Variants in WWTR1 observed in about 807,000 individuals in gnomAD.
The protein encoded by WWTR1 is WW domain containing transcription regulator 1.
WWTR1 carries 13 observed loss-of-function variants against 40.1 expected under a neutral mutation model. The ratio of observed to expected loss-of-function variants is 0.32; its 90% CI spans 0.21 to 0.52. The LOEUF (loss-of-function observed/expected upper bound fraction) is 0.52, where lower values mean the gene tolerates loss of function less well. Ranked by LOEUF, WWTR1 falls within the 20% of genes least tolerant of loss-of-function variation. The probability of loss-of-function intolerance (pLI) is 0.97; values close to 1 mark genes in which losing one functional copy is unlikely to be tolerated. For synonymous variants in WWTR1, 230 were observed against 210.1 expected (o/e 1.09, Z -0.82); for missense variants, 436 against 523.1 (o/e 0.83, Z 1.63).
At chr3:149,667,791 G>A (rs1302870072) in intron 2 of WWTR1, among the ~76,000 whole-genome samples, 1 of 152,088 alleles carries the variant, frequency 6.6e-6, no homozygotes, top group East Asian at 1.9e-4. Context: ...CCCATTTTTT[G>A]TGAATGATTT....
chr3:149,624,992 A>T (rs1187108597), intron 2 of WWTR1, among the ~76,000 whole-genome samples: 1 of 151,652 alleles, frequency 6.6e-6, no homozygotes, highest in Non-Finnish European at 1.5e-5. Flanking sequence ...CAGCCTCCCA[A>T]AGCGCTGGGA....
chr3:149,521,291 G>A (rs1161709416), intron 6 of WWTR1, among the ~76,000 whole-genome samples: 1 of 152,138 alleles, frequency 6.6e-6, no homozygotes, highest in Non-Finnish European at 1.5e-5. Flanking sequence ...GAGTAGAGAG[G>A]CCTTGTCTGT....
intron 3 of WWTR1, among the ~76,000 whole-genome samples, chr3:149,546,618 T>G (rs1016815778): frequency 6.6e-6 from 1 of 152,230 alleles, no homozygotes; most frequent in Non-Finnish European, 1.5e-5. Flanking sequence ...CTTTTCCTTT[T>G]CTGTACTATT....
At position 149,682,217 on chromosome 3, in the gene WWTR1, G is replaced by A. The variant is rs184671153; in HGVS notation, c.-107-12326C>T. Among the ~76,000 whole-genome samples, 206 of 152,246 alleles carry A rather than the reference G, an allele frequency of 1.4e-3. 2 individuals carry two copies. The highest frequency in any genetic ancestry group is 4.5e-3 in the African/African-American group (187 of 41,536). On this transcript the variant is annotated intron_variant, in intron 1 of 7. Transcript: ENST00000465804. ...GTTAAACAAAGACCAACCATCATTG[G>A]TATCTGCAGACTTCAGTCTGGCTTT...
At chr3:149,664,554 A>T (rs1026334777) in intron 2 of WWTR1, among the ~76,000 whole-genome samples, 3 of 151,634 alleles carry the variant, frequency 2.0e-5, no homozygotes, top group Non-Finnish European at 2.9e-5. Flanking sequence ...GATAAGGAAG[A>T]TAATTTTGAT....
chr3:149,715,875 G>A (rs1715596274), intron 5 of WWTR1, among the ~76,000 whole-genome samples: 1 of 152,086 alleles, frequency 6.6e-6, no homozygotes, highest in South Asian at 2.1e-4. Flanking sequence ...ATCTCAGAGG[G>A]GACTACAACA....
At chr3:149,610,856 T>C (rs761210819) in intron 2 of WWTR1, among the ~76,000 whole-genome samples, 6 of 152,154 alleles carry the variant, frequency 3.9e-5, no homozygotes, top group Non-Finnish European at 5.9e-5. Flanking sequence ...ATAAGAAGCC[T>C]TACTGTCCAG....
intron 3 of WWTR1, among the ~76,000 whole-genome samples, chr3:149,571,565 T>G (rs1380292615): frequency 2.0e-5 from 3 of 152,314 alleles, no homozygotes; most frequent in East Asian, 3.9e-4. Context: ...TTTTGGAAAC[T>G]GTACATCTGC....
chr3:149,564,298 G>A (rs977845110), intron 3 of WWTR1, among the ~76,000 whole-genome samples: 6 of 152,142 alleles, frequency 3.9e-5, no homozygotes, highest in African/African-American at 1.4e-4. Context: ...TCTGGACCAC[G>A]CTTGGATAAA....
At chr3:149,571,634 G>C (rs1737636226) in intron 3 of WWTR1, among the ~76,000 whole-genome samples, 1 of 152,272 alleles carries the variant, frequency 6.6e-6, no homozygotes, top group East Asian at 1.9e-4. Context: ...AGCTGACTAG[G>C]GTCTACTTGA....
intron 4 of WWTR1, among the ~76,000 whole-genome samples, chr3:149,533,922 G>A (rs1735704769): frequency 7.7e-6 from 1 of 130,312 alleles, no homozygotes; most frequent in Non-Finnish European, 1.8e-5. Flanking sequence ...ATTGCATATT[G>A]CTTACTGTGT....
chr3:149,655,975 G>T (rs374205323), intron 2 of WWTR1, among the ~76,000 whole-genome samples: 2 of 152,176 alleles, frequency 1.3e-5, no homozygotes, highest in Non-Finnish European at 2.9e-5. Context: ...AAGTGGTTAG[G>T]CTGGCACAAC....
At chr3:149,594,352 T>C (rs1480551515) in intron 2 of WWTR1, among the ~76,000 whole-genome samples, 1 of 152,116 alleles carries the variant, frequency 6.6e-6, no homozygotes, top group Admixed American at 6.6e-5. Context: ...TTTTTTTAAA[T>C]GGTGTACAAT....
At chr3:149,645,384 C>T (rs998029375) in intron 2 of WWTR1, among the ~76,000 whole-genome samples, 12 of 152,064 alleles carry the variant, frequency 7.9e-5, no homozygotes, top group African/African-American at 2.9e-4. Context: ...TGGCCCCAGG[C>T]TGCTCTTAAA....
intron 2 of WWTR1, among the ~76,000 whole-genome samples, chr3:149,616,470 T>C (rs1739976843): frequency 6.6e-6 from 1 of 151,858 alleles, no homozygotes; most frequent in Non-Finnish European, 1.5e-5. Context: ...GAGGTGGAGT[T>C]TCACTCTTGT....
chr3:149,519,492 A>T lies in WWTR1; in HGVS notation c.*1313T>A, dbSNP rs113525001. On this transcript the variant is annotated 3_prime_UTR_variant, in exon 7 of 7. Transcript: ENST00000360632. ...GACAAGGCTTCAGAATTTAAAAAGCAACAGCTCACTGTGTGTGGTGTGCTA... is the reference window on the plus strand; with the variant it reads ...GACAAGGCTTCAGAATTTAAAAAGCTACAGCTCACTGTGTGTGGTGTGCTA... The T allele has an allele frequency of 1.2e-3, 176 of 152,350 alleles. No homozygotes were observed. Among genetic ancestry groups the T allele is most frequent in the African/African-American group, 3.9e-3 (163 of 41,586 alleles). 9.4% of individuals were successfully genotyped at this position (152,350 alleles called of 1,614,324 possible).
intron 2 of WWTR1, among the ~76,000 whole-genome samples, chr3:149,614,347 A>C (rs1022004821): frequency 2.0e-5 from 3 of 152,202 alleles, no homozygotes; most frequent in African/African-American, 7.2e-5. Context: ...GTACCACTGT[A>C]CCATTGAATA....
rs79133523 is a variant in WWTR1 at position 149,684,442 on chromosome 3, C to T, written c.-107-14551G>A. 4.1e-3 allele frequency among the ~76,000 whole-genome samples: 631 copies of T among 152,284 alleles called. 5 individuals carry two copies. Among genetic ancestry groups the T allele is most frequent in the African/African-American group, 0.015 (606 of 41,548 alleles). On this transcript the variant is annotated intron_variant, in intron 1 of 7. Transcript: ENST00000465804. ...TCAAGATTCTAAAAATTGAACTATT[C>T]ATTACTTTAAAAGTAGATAAAATAA... is the stretch of plus-strand genomic sequence containing the variant.
chr3:149,522,360 G>T (rs1278976314), intron 6 of WWTR1, among the ~76,000 whole-genome samples: 1 of 152,082 alleles, frequency 6.6e-6, no homozygotes, highest in African/African-American at 2.4e-5. Flanking sequence ...TTGGATTTTG[G>T]TGATAGCAAA....
Sources: gnomAD v4.1 joint callset for allele counts (sites outside exome capture counted in the v4.1 genomes callset) on GRCh38, gnomAD v4.1.1 for gene constraint, MANE v1.5 for transcripts, NCBI Gene and HGNC (gene_info 2026-07-23, HGNC 2026-07-21) for gene names.